The following TRMT9B variants were observed in gnomAD, a reference collection of about 807,000 sequenced individuals.
The protein encoded by TRMT9B is tRNA methyltransferase 9B (putative).
Under a neutral mutation model 11.5 loss-of-function variants are expected in TRMT9B, and 16 were observed. The ratio of observed to expected loss-of-function variants is 1.39; its 90% CI spans 0.94 to 2.11. TRMT9B has a LOEUF of 2.11. TRMT9B is among the 30% of genes most tolerant of loss of function. The probability of loss-of-function intolerance (pLI) is 0.00; values close to 1 mark genes in which losing one functional copy is unlikely to be tolerated. For synonymous variants in TRMT9B, 274 were observed against 192.4 expected (o/e 1.42, Z -3.51); for missense variants, 941 against 553.8 (o/e 1.70, Z -7.02).
At position 12,964,247 on chromosome 8, in the gene TRMT9B, T is replaced by C. The variant is rs566629095; in HGVS notation, c.-200+18281T>C. Among the ~76,000 whole-genome samples, 9 of 152,356 alleles carry C rather than the reference T, an allele frequency of 5.9e-5. No homozygotes were observed. In the South Asian group the frequency reaches 1.7e-3, roughly 28 times the overall value. On this transcript the variant is annotated intron_variant, in intron 1 of 4. Coordinates refer to ENST00000524591, the MANE Select transcript of TRMT9B (RefSeq NM_020844.3). ...AACATTATTTTACATTTCAACATCA[T>C]TGACATGGGGTACATCCTACAGTTG...
chr8:13,011,263 G>A (rs1047056365), intron 3 of TRMT9B: 1 of 978,990 alleles, frequency 1.0e-6, no homozygotes, highest in African/African-American at 1.8e-5. Context: ...TAGGATTATA[G>A]GCATGAGCCA....
At chr8:12,985,844 C>T (rs979475075) in intron 1 of TRMT9B, among the ~76,000 whole-genome samples, 6 of 151,868 alleles carry the variant, frequency 4.0e-5, no homozygotes, top group African/African-American at 1.5e-4. Flanking sequence ...GGGCTATGTA[C>T]TAGATTAATG....
chr8:12,955,267 G>A (rs190953202), intron 1 of TRMT9B, among the ~76,000 whole-genome samples: 86 of 152,272 alleles, frequency 5.6e-4, no homozygotes, highest in Middle Eastern at 3.4e-3. Context: ...CTCCACCCTA[G>A]ACAGGCCTTT....
At chr8:13,009,600 G>C in intron 3 of TRMT9B, among the ~76,000 whole-genome samples, 1 of 152,136 alleles carries the variant, frequency 6.6e-6, no homozygotes, top group East Asian at 1.9e-4. Context: ...ATTTGTGCCT[G>C]TGAGAGTGTG....
At chr8:12,955,221 T>A (rs939345613) in intron 1 of TRMT9B, among the ~76,000 whole-genome samples, 2 of 152,160 alleles carry the variant, frequency 1.3e-5, no homozygotes, top group African/African-American at 4.8e-5. Flanking sequence ...GTAATCAGTG[T>A]CCTTTGGGAG....
chr8:13,008,976 C>T (rs561499291), intron 3 of TRMT9B, among the ~76,000 whole-genome samples: 16 of 152,106 alleles, frequency 1.1e-4, no homozygotes, highest in African/African-American at 3.6e-4. Context: ...GATCCACCGA[C>T]CTTCGCCTCC....
chr8:12,974,439 A>G (rs1225533345), intron 1 of TRMT9B, among the ~76,000 whole-genome samples: 1 of 152,144 alleles, frequency 6.6e-6, no homozygotes, highest in Non-Finnish European at 1.5e-5. Flanking sequence ...TGACCTGGAG[A>G]GCATTTACTT....
At chr8:13,008,544 G>C (rs1051754607) in intron 3 of TRMT9B, among the ~76,000 whole-genome samples, 8 of 152,056 alleles carry the variant, frequency 5.3e-5, no homozygotes, top group South Asian at 2.1e-4. Flanking sequence ...ATTTCAGCAG[G>C]TACATTAACT....
chr8:13,009,876 C>A (rs1310136706), intron 3 of TRMT9B, among the ~76,000 whole-genome samples: 1 of 152,114 alleles, frequency 6.6e-6, no homozygotes, highest in African/African-American at 2.4e-5. Context: ...CACGTGTAAT[C>A]CTAGCACTTT....
chr8:12,990,340 T>C (rs34880188), intron 1 of TRMT9B, among the ~76,000 whole-genome samples: 21,805 of 152,188 alleles, frequency 0.14, 2,050 homozygotes, highest in Non-Finnish European at 0.2. Flanking sequence ...TTTTAATAAC[T>C]AAAAGCCTTT....
chr8:13,016,211 T>C (rs1353812017), intron 4 of TRMT9B, among the ~76,000 whole-genome samples: 2 of 134,524 alleles, frequency 1.5e-5, no homozygotes, highest in African/African-American at 5.6e-5. Flanking sequence ...TTTATATATA[T>C]AAAATATAAA....
rs1233306856 is a variant in TRMT9B, at chr8:13,006,482, C to T, written c.154+126C>T. 3.2e-5 allele frequency: 49 copies of T among 1,544,096 alleles called. No homozygotes were observed. The East Asian group carries it at 1.1e-3, about 34-fold the overall frequency. On this transcript the variant is annotated intron_variant, in intron 3 of 4. Transcript: ENST00000524591. The stretch of plus-strand genomic sequence containing the variant: ...CTCATTGCTGTCATAGGTAACCCAG[C>T]ACTGGGCCGTGTAGCATGAAATACC...
intron 1 of TRMT9B, among the ~76,000 whole-genome samples, chr8:12,960,663 C>T (rs547213049): frequency 1.4e-4 from 21 of 152,260 alleles, no homozygotes; most frequent in African/African-American, 4.6e-4. Context: ...CAAAAAGACA[C>T]GGTGGAACCC....
At chr8:12,974,042 G>C (rs955522342) in intron 1 of TRMT9B, among the ~76,000 whole-genome samples, 1 of 151,962 alleles carries the variant, frequency 6.6e-6, no homozygotes, top group Non-Finnish European at 1.5e-5. Context: ...ATAGTGGCAA[G>C]CACTTGTAGT....
At chr8:13,000,069 G>C (rs1809131582) in intron 2 of TRMT9B, among the ~76,000 whole-genome samples, 2 of 152,084 alleles carry the variant, frequency 1.3e-5, no homozygotes, top group African/African-American at 4.8e-5. Flanking sequence ...TGGTGGGTGG[G>C]ATTAGAATAC....
chr8:12,976,287 A>G (rs999704890), intron 1 of TRMT9B, among the ~76,000 whole-genome samples: 3 of 152,066 alleles, frequency 2.0e-5, no homozygotes, highest in African/African-American at 7.2e-5. Flanking sequence ...TTTAGAGACC[A>G]TTTCACCATC....
intron 4 of TRMT9B, among the ~76,000 whole-genome samples, chr8:13,014,876 G>T (rs1012069323): frequency 4.0e-5 from 6 of 151,848 alleles, no homozygotes; most frequent in Non-Finnish European, 8.8e-5. Flanking sequence ...GCCTGGCCAA[G>T]AAGGTGAAAC....
intron 1 of TRMT9B, among the ~76,000 whole-genome samples, chr8:12,984,878 C>A (rs77430429): frequency 0.061 from 9,190 of 151,688 alleles, 343 homozygotes; most frequent in African/African-American, 0.1. Flanking sequence ...GGTAACTGAT[C>A]TCATGACCAA....
intron 1 of TRMT9B, among the ~76,000 whole-genome samples, chr8:12,966,315 A>G (rs1802819039): frequency 6.6e-6 from 1 of 152,152 alleles, no homozygotes; most frequent in South Asian, 2.1e-4. Context: ...CTCCAAACAG[A>G]TACAACCATG....
Sources: allele counts gnomAD v4.1 joint callset (sites outside exome capture counted in the v4.1 genomes callset), GRCh38; gene constraint gnomAD v4.1.1; transcripts MANE v1.5; gene names NCBI Gene and HGNC (gene_info 2026-07-23, HGNC 2026-07-21).